The following ATM variants were observed in gnomAD, a reference collection of about 807,000 sequenced individuals.
ATM encodes ATM serine/threonine kinase.
A neutral mutation model predicts 387.0 loss-of-function variants in ATM; 308 were observed. The ratio of observed to expected loss-of-function variants is 0.80; its 90% CI spans 0.73 to 0.87. ATM has a LOEUF of 0.87. ATM is among the 40% of genes least tolerant of loss of function. The probability of loss-of-function intolerance (pLI) is 0.00; values close to 1 mark genes in which losing one functional copy is unlikely to be tolerated. For synonymous variants in ATM, 1,156 were observed against 1,187.3 expected, an observed-to-expected ratio of 0.97 and a Z score of 0.54; for missense variants, 3,312 against 3,560.9, an observed-to-expected ratio of 0.93 and a Z score of 1.78.
rs2136064166 is a variant in ATM, at chr11:108,312,512, G to C, written c.6006+14G>C. On this transcript the variant is annotated intron_variant, in intron 40 of 62. Coordinates refer to ENST00000675843, the MANE Select transcript of ATM (RefSeq NM_000051.4). Reference sequence around the variant, plus strand: ...ATAAGTTTACAGGTAAATATTAGAGGCTCTATTATTTATGACAGTATTTAT... The same window carrying C: ...ATAAGTTTACAGGTAAATATTAGAGCCTCTATTATTTATGACAGTATTTAT... The C allele has an allele frequency of 1.3e-6, 2 of 1,498,516 alleles. No homozygotes were observed. Among genetic ancestry groups the C allele is most frequent in the Non-Finnish European group, 1.9e-6 (2 of 1,075,578 alleles). 92.8% of individuals were successfully genotyped at this position (1,498,516 alleles called of 1,614,324 possible). A position where few individuals can be genotyped will look rare whatever the true frequency, so the allele number is the denominator to read the frequency against.
rs1207215818 is a variant in ATM, at chr11:108,312,446, C to G, written c.5954C>G (p.Thr1985Ser). 6.3e-7 allele frequency: 1 copy of G among 1,595,734 alleles called. No individual in the cohort carries two copies. Among genetic ancestry groups the G allele is most frequent in the East Asian group, 2.2e-5 (1 of 44,642 alleles). Reference sequence around the variant, plus strand: ...TTTGAAGAAGGAAGCCAGAGTACAACTATTTCTAGCTTGAGTGAAAAAAGT... The same window carrying G: ...TTTGAAGAAGGAAGCCAGAGTACAAGTATTTCTAGCTTGAGTGAAAAAAGT... ...LAFEEGSQSTTISSLSEKSKE... is the reference protein window; with the variant it reads ...LAFEEGSQSTSISSLSEKSKE... Residue 1985 changes from threonine (T) to serine (S), a missense_variant, in exon 40 of 63, where the codon ACT (threonine) becomes AGT (serine). Physicochemically the swap from Thr to Ser is moderately conservative, Grantham distance 58 (BLOSUM62 1). Coordinates refer to ENST00000675843, the MANE Select transcript of ATM (RefSeq NM_000051.4).
Position 108,354,888 on chromosome 11 carries a change from T to G in ATM, c.8850+14T>G. The G allele has an allele frequency of 6.2e-7, 1 of 1,603,856 alleles. No individual in the cohort carries two copies. The highest frequency in any genetic ancestry group is 8.5e-7 in the Non-Finnish European group (1 of 1,170,802). ...ACCATTGTAGAGGTAAAGTATTTTA[T>G]AAGGAAGACTTTATTTTTTTTCTTA... On this transcript the variant is annotated intron_variant, in intron 61 of 62. Transcript: ENST00000675843.
At chr11:108,310,817 T>C (rs1396802495) in intron 39 of ATM, among the ~76,000 whole-genome samples, 4 of 152,236 alleles carry the variant, frequency 2.6e-5, no homozygotes, top group Non-Finnish European at 5.9e-5. Context: ...CCTATATTTC[T>C]AGTGAATTTA....
At chr11:108,261,521 C>T (rs2080886051) in intron 16 of ATM, among the ~76,000 whole-genome samples, 1 of 152,054 alleles carries the variant, frequency 6.6e-6, no homozygotes, top group African/African-American at 2.4e-5. Flanking sequence ...GATAAAACCA[C>T]AAAGATGGGG....
At chr11:108,243,644 A>T (rs188124329) in intron 5 of ATM, among the ~76,000 whole-genome samples, 1 of 152,270 alleles carries the variant, frequency 6.6e-6, no homozygotes, top group African/African-American at 2.4e-5. Flanking sequence ...CCCATGGAGC[A>T]TGTACTGTAA....
At chr11:108,233,672 C>A (rs963154948) in intron 4 of ATM, among the ~76,000 whole-genome samples, 2 of 151,164 alleles carry the variant, frequency 1.3e-5, no homozygotes, top group Admixed American at 6.6e-5. Context: ...CATAGGGAGA[C>A]CCCATCTTTA....
chr11:108,287,081 G>A (rs1000592844), intron 26 of ATM: 10 of 153,086 alleles, frequency 6.5e-5, no homozygotes, highest in African/African-American at 1.2e-4. Context: ...AAGGGGATGT[G>A]GATCGCAGCT....
rs863224561 is a variant in ATM, at chr11:108,272,542, A to G, written c.3088A>G (p.Lys1030Glu). ...TVIGAFWHLT[K>E]ERKYIFSVRM... ...CTTACTTGATTTCAGGCATCTAACA[A>G]AGGAGAGGAAATATATATTCTCTGT... Residue 1030 changes from lysine to glutamate, a missense_variant, in exon 21 of 63, where the codon AAG becomes GAG. Coordinates refer to ENST00000675843, the MANE Select transcript of ATM (RefSeq NM_000051.4). 6.2e-7 allele frequency: 1 copy of G among 1,612,300 alleles called. No homozygotes were observed.
At chr11:108,269,070 G>A (rs2081427595) in intron 18 of ATM, among the ~76,000 whole-genome samples, 2 of 152,038 alleles carry the variant, frequency 1.3e-5, no homozygotes, top group South Asian at 2.1e-4. Flanking sequence ...ACACTCATAC[G>A]CAGATACACA....
chr11:108,233,533 C>T (rs1247003088), intron 4 of ATM, among the ~76,000 whole-genome samples: 4 of 145,814 alleles, frequency 2.7e-5, no homozygotes, highest in Admixed American at 1.4e-4. Context: ...CATGCTATTG[C>T]ACTCCAGTCT....
At position 108,303,037 on chromosome 11, in the gene ATM, G is replaced by A. The variant is rs2135931427; in HGVS notation, c.5496+8G>A. 1 of 1,605,920 alleles carries A rather than the reference G, an allele frequency of 6.2e-7. No homozygotes were observed. The highest frequency in any genetic ancestry group is 8.5e-7 in the Non-Finnish European group (1 of 1,172,944). On this transcript the variant is annotated splice_region_variant and intron_variant, in intron 36 of 62. Coordinates refer to ENST00000675843, the MANE Select transcript of ATM (RefSeq NM_000051.4). Reference sequence around the variant, plus strand: ...TTAAAGCCAATGTGTGAAGTAAGAAGATTAATTAGTCTGATATAATTCCTT... The same window carrying A: ...TTAAAGCCAATGTGTGAAGTAAGAAAATTAATTAGTCTGATATAATTCCTT...
chr11:108,249,223 C>G (rs1201540872), intron 9 of ATM, 121 bp downstream of exon 9: 2 of 1,127,760 alleles, frequency 1.8e-6, no homozygotes, highest in Non-Finnish European at 2.6e-6. Context: ...TACCCCCAAA[C>G]CTATTACTAG....
chr11:108,292,915 A>G (rs986144836), intron 30 of ATM, 122 bp downstream of exon 30: 1 of 1,217,144 alleles, frequency 8.2e-7, no homozygotes, highest in African/African-American at 1.5e-5. Flanking sequence ...TTTTTGTAAA[A>G]TGATTGGAAA....
intron 42 of ATM, among the ~76,000 whole-genome samples, chr11:108,316,647 C>T (rs1030996193): frequency 2.0e-4 from 31 of 151,328 alleles, no homozygotes; most frequent in Admixed American, 4.6e-4. Flanking sequence ...TGGTGGCTTG[C>T]GCCTGTAATC....
In ATM at chr11:108,326,091, T is replaced by A. The variant is rs1291249685; in HGVS notation, c.6841T>A (p.Tyr2281Asn). 1 of 1,614,148 alleles carries A rather than the reference T, an allele frequency of 6.2e-7. No individual in the cohort carries two copies. The highest frequency in any genetic ancestry group is 8.5e-7 in the Non-Finnish European group (1 of 1,180,014). The stretch of plus-strand genomic sequence containing the variant: ...AAGGGCAATATTTCAAATTAAACAG[T>A]ACAATTCAGTTAGCTGTGGAGTCTC... ...PERAIFQIKQYNSVSCGVSEW... is the reference protein window; with the variant it reads ...PERAIFQIKQNNSVSCGVSEW... Residue 2281 changes from tyrosine (Y) to asparagine (N), a missense_variant, in exon 47 of 63, where the codon TAC becomes AAC. By Grantham distance (143) the Tyr-to-Asn change is moderately radical. Around this residue, in one of 4 missense-constraint regions of ATM, gnomAD observed 1,405 missense variants for 1,604.4 expected, o/e 0.88. Transcript: ENST00000675843.
At chr11:108,240,525 T>C (rs1037360558) in intron 5 of ATM, among the ~76,000 whole-genome samples, 7 of 152,228 alleles carry the variant, frequency 4.6e-5, no homozygotes, top group African/African-American at 1.7e-4. Flanking sequence ...GCACCTAAGC[T>C]ATATGGTATT....
At chr11:108,262,445 T>G (rs1333162019) in intron 16 of ATM, among the ~76,000 whole-genome samples, 1 of 152,182 alleles carries the variant, frequency 6.6e-6, no homozygotes, top group Non-Finnish European at 1.5e-5. Context: ...AGAGATTTTG[T>G]CACCACCAGG....
intron 31 of ATM, 80 bp from the exon 32 acceptor site, chr11:108,294,847 C>G (rs2135831100): frequency 6.6e-7 from 1 of 1,518,502 alleles, no homozygotes; most frequent in Non-Finnish European, 9.1e-7. Context: ...TGGCACTTAA[C>G]TAATTTTTTT....
intron 8 of ATM, among the ~76,000 whole-genome samples, chr11:108,248,172 C>CTCTGAATGGAATATA (rs2079947641): frequency 6.6e-6 from 1 of 152,106 alleles, no homozygotes; most frequent in African/African-American, 2.4e-5. Context: ...TATGGATATA[C>CTCTGAATGGAATATA]TCCATTTTAC....
Sources: allele counts gnomAD v4.1 joint callset (sites outside exome capture counted in the v4.1 genomes callset), GRCh38; gene constraint gnomAD v4.1.1; regional missense constraint gnomAD v4.1.1; transcripts MANE v1.5; gene names NCBI Gene and HGNC (gene_info 2026-07-23, HGNC 2026-07-21).